The following GBP7 variants were observed in gnomAD, a reference collection of about 807,000 sequenced individuals.
The protein encoded by GBP7 is guanylate-binding protein 7.
In GBP7, 43 loss-of-function variants were observed where a neutral mutation model predicts 61.3. That is an observed-to-expected ratio of 0.70 (90% CI 0.55 to 0.91). The LOEUF (loss-of-function observed/expected upper bound fraction) is 0.91. GBP7 is among the 40% of genes least tolerant of loss of function. The pLI, the probability that GBP7 is intolerant of heterozygous loss-of-function variation, is 0.00. For synonymous variants in GBP7, 267 were observed against 271.0 expected (o/e 0.99, Z 0.14); for missense variants, 717 against 740.5 (o/e 0.97, Z 0.37).
Position 89,132,349 on chromosome 1 carries a change from C to T in GBP7, c.1717G>A (p.Glu573Lys), listed in dbSNP as rs1457568092. Residue 573 changes from glutamate (E) to lysine (K), a missense_variant, in exon 11 of 11, where the codon GAA (glutamate) becomes AAA (lysine). Physicochemically the swap from Glu to Lys is moderately conservative, Grantham distance 56. Coordinates refer to ENST00000294671, the MANE Select transcript of GBP7 (RefSeq NM_207398.3). Reference protein sequence around the residue: ...GFKEIFESLNEEINRLKEQIE... With the variant: ...GFKEIFESLNKEINRLKEQIE... ...TGTTCTTTCAGTCGATTAATCTCTT[C>T]ATTTAACGACTCAAATATCTCTTTA... is the stretch of plus-strand genomic sequence containing the variant. 3.7e-6 allele frequency: 6 copies of T among 1,611,002 alleles called. No individual in the cohort carries two copies. The African/African-American group carries it at 5.3e-5, about 14-fold the overall frequency.
intron 1 of GBP7, among the ~76,000 whole-genome samples, chr1:89,174,627 C>T (rs1647691611): frequency 6.6e-6 from 1 of 152,078 alleles, no homozygotes; most frequent in Admixed American, 6.6e-5. Flanking sequence ...TCTTGCAAGC[C>T]CCTCTGTGGG....
intron 3 of GBP7, among the ~76,000 whole-genome samples, chr1:89,163,375 A>G (rs966695510): frequency 6.7e-6 from 1 of 148,682 alleles, no homozygotes; most frequent in African/African-American, 2.5e-5. Flanking sequence ...AAATTCAGCT[A>G]TGAATCCATC....
At chr1:89,146,020 A>G (rs1459570077) in intron 8 of GBP7, among the ~76,000 whole-genome samples, 1 of 152,224 alleles carries the variant, frequency 6.6e-6, no homozygotes, top group Middle Eastern at 3.2e-3. Flanking sequence ...CCAAAACAAG[A>G]AAAACAGAGC....
intron 3 of GBP7, among the ~76,000 whole-genome samples, chr1:89,158,164 T>G (rs1682359071): frequency 6.6e-6 from 1 of 152,230 alleles, no homozygotes. Flanking sequence ...TCAACAGCCC[T>G]TCATGCTTAA....
At chr1:89,156,259 G>C (rs1286910916) in intron 3 of GBP7, among the ~76,000 whole-genome samples, 2 of 152,172 alleles carry the variant, frequency 1.3e-5, no homozygotes, top group Admixed American at 6.5e-5. Flanking sequence ...ATGCCAAATT[G>C]TAAAGACCAT....
In GBP7 at chr1:89,173,117, G is replaced by A. The variant is rs549190612; in HGVS notation, c.-19-1163C>T. Reference sequence around the variant, plus strand: ...CTTCTTTCCTTTTTGGCTCCACAACGTATTCTAGAAAAAATATCTGTATTT... The same window carrying A: ...CTTCTTTCCTTTTTGGCTCCACAACATATTCTAGAAAAAATATCTGTATTT... On this transcript the variant is annotated intron_variant, in intron 1 of 10. Transcript: ENST00000294671. Among the ~76,000 whole-genome samples the A allele has an allele frequency of 1.5e-4, 22 of 151,708 alleles. No individual in the cohort carries two copies. In the South Asian group the frequency reaches 3.9e-3, roughly 27 times the overall value.
intron 9 of GBP7, among the ~76,000 whole-genome samples, chr1:89,138,052 C>G (rs981551425): frequency 6.6e-6 from 1 of 152,002 alleles, no homozygotes; most frequent in Non-Finnish European, 1.5e-5. Flanking sequence ...TTCACAATAG[C>G]TATTGTGAAT....
intron 2 of GBP7, among the ~76,000 whole-genome samples, 154 bp from the exon 3 acceptor site, chr1:89,165,012 T>G (rs1017908462): frequency 5.3e-5 from 8 of 152,260 alleles, no homozygotes; most frequent in Non-Finnish European, 8.8e-5. Flanking sequence ...TTTATTTGTA[T>G]AAATGACTTT....
intron 9 of GBP7, 126 bp downstream of exon 9, chr1:89,141,420 T>G: frequency 3.0e-6 from 2 of 665,242 alleles, no homozygotes; most frequent in Non-Finnish European, 5.0e-6. Context: ...ATTTTCAGTT[T>G]TAGCAGAGCA....
chr1:89,152,196 G>C, intron 5 of GBP7, 72 bp downstream of exon 5: 1 of 1,337,798 alleles, frequency 7.5e-7, no homozygotes, highest in South Asian at 1.4e-5. Flanking sequence ...TTTGTGTCAG[G>C]TGTTGAACGG....
At chr1:89,168,716 C>A (rs1199551280) in intron 2 of GBP7, among the ~76,000 whole-genome samples, 1 of 152,012 alleles carries the variant, frequency 6.6e-6, no homozygotes, top group African/African-American at 2.4e-5. Context: ...GGGTGGATCA[C>A]CTGAGGTCAG....
intron 9 of GBP7, among the ~76,000 whole-genome samples, chr1:89,141,166 A>G (rs1385603056): frequency 1.3e-5 from 2 of 152,082 alleles, no homozygotes; most frequent in African/African-American, 4.8e-5. Context: ...CCATGTAACA[A>G]ACCTATTTGT....
At chr1:89,137,761 C>G (rs981402428) in intron 9 of GBP7, among the ~76,000 whole-genome samples, 16 of 151,946 alleles carry the variant, frequency 1.1e-4, no homozygotes, top group African/African-American at 3.6e-4. Flanking sequence ...TGCCCACTCT[C>G]AACAACTCTT....
chr1:89,159,938 A>G (rs1682399039), intron 3 of GBP7, among the ~76,000 whole-genome samples: 1 of 152,230 alleles, frequency 6.6e-6, no homozygotes, highest in Admixed American at 6.5e-5. Context: ...ACTATTCACA[A>G]CAGCAAAGAT....
intron 3 of GBP7, among the ~76,000 whole-genome samples, chr1:89,162,321 A>G (rs1386361095): frequency 6.6e-6 from 1 of 152,140 alleles, no homozygotes; most frequent in African/African-American, 2.4e-5. Context: ...AAGAATCTCA[A>G]TGGTAGTTTA....
intron 7 of GBP7, 24 bp downstream of exon 7, chr1:89,149,268 A>G (rs776148123): frequency 3.3e-6 from 3 of 911,742 alleles, no homozygotes; most frequent in East Asian, 7.8e-5. Context: ...AGGAATCAAG[A>G]AAAAAAAAAA....
chr1:89,173,761 A>C (rs1647666440), intron 1 of GBP7, among the ~76,000 whole-genome samples: 1 of 152,134 alleles, frequency 6.6e-6, no homozygotes, highest in Non-Finnish European at 1.5e-5. Context: ...GGTTGATTTT[A>C]AGTATGATTT....
At chr1:89,138,842 A>C (rs943945823) in intron 9 of GBP7, among the ~76,000 whole-genome samples, 4 of 152,192 alleles carry the variant, frequency 2.6e-5, no homozygotes, top group African/African-American at 9.6e-5. Context: ...GACCTAATTC[A>C]ACTAAAGAGT....
At chr1:89,140,262 C>T (rs990521923) in intron 9 of GBP7, among the ~76,000 whole-genome samples, 9 of 122,606 alleles carry the variant, frequency 7.3e-5, no homozygotes, top group South Asian at 5.0e-4. Context: ...GACACAGGAA[C>T]AGGAACATCA....
Sources: allele counts gnomAD v4.1 joint callset (sites outside exome capture counted in the v4.1 genomes callset), GRCh38; gene constraint gnomAD v4.1.1; transcripts MANE v1.5; gene names NCBI Gene and HGNC (gene_info 2026-07-23, HGNC 2026-07-21).